PLAC1: variants seen among roughly 807,000 people sequenced by gnomAD.
The protein encoded by PLAC1 is placenta associated 1, also known as placenta-specific protein 1.
For synonymous variants in PLAC1, 68 were observed against 62.1 expected, an observed-to-expected ratio of 1.09 and a Z score of -0.44; for missense variants, 136 against 163.2, an observed-to-expected ratio of 0.83 and a Z score of 0.91.
intron 2 of PLAC1, among the ~76,000 whole-genome samples, chrX:134,569,086 A>T (rs2077891793): frequency 9.0e-6 from 1 of 111,300 alleles, no homozygotes. Flanking sequence ...TTTTGTTCAA[A>T]CCCCAAAATT....
chrX:134,740,318 CA>C (rs77285641), intron 1 of PLAC1, among the ~76,000 whole-genome samples: 109 of 50,769 alleles, frequency 2.1e-3, no homozygotes, highest in South Asian at 6.9e-3. Flanking sequence ...ATTCCGTCTC[CA>C]AAAAAAAAAA....
chrX:134,597,065 G>C (rs2078065438), intron 2 of PLAC1, among the ~76,000 whole-genome samples: 1 of 111,157 alleles, frequency 9.0e-6, no homozygotes, highest in Non-Finnish European at 1.9e-5. Context: ...AAAATTTTCA[G>C]CCATTATTCC....
chrX:134,763,205 A>G (rs763404658), intron 1 of PLAC1, among the ~76,000 whole-genome samples: 1 of 111,258 alleles, frequency 9.0e-6, no homozygotes, highest in East Asian at 2.8e-4. Context: ...GGATGCTTAC[A>G]GGGAAGATTC....
At chrX:134,687,573 C>A (rs2078521464) in intron 2 of PLAC1, among the ~76,000 whole-genome samples, 2 of 107,271 alleles carry the variant, frequency 1.9e-5, no homozygotes, top group Admixed American at 2.0e-4. Flanking sequence ...CTTCACTGCT[C>A]AAAAAAATGA....
intron 2 of PLAC1, among the ~76,000 whole-genome samples, chrX:134,725,833 C>A (rs1208257175): frequency 9.0e-6 from 1 of 111,585 alleles, no homozygotes; most frequent in East Asian, 2.8e-4. Context: ...CCTATCTCTA[C>A]TAAAAATACA....
intron 2 of PLAC1, among the ~76,000 whole-genome samples, chrX:134,708,066 A>C (rs892286702): frequency 1.8e-5 from 2 of 112,210 alleles, no homozygotes; most frequent in African/African-American, 6.5e-5. Context: ...GAAAACAGAG[A>C]AATAAAAAAC....
intron 2 of PLAC1, among the ~76,000 whole-genome samples, chrX:134,573,373 CAGAGTCCCTTCTCATTTTAAA>C (rs2077919645): frequency 1.8e-5 from 2 of 111,673 alleles, no homozygotes; most frequent in South Asian, 7.6e-4. Flanking sequence ...CACAAAGCCC[CAGAGTCCCTTCTCATTTTAAA>C]AGACAAGGTA....
intron 2 of PLAC1, among the ~76,000 whole-genome samples, chrX:134,728,368 C>A (rs975157205): frequency 8.9e-6 from 1 of 111,840 alleles, no homozygotes; most frequent in Non-Finnish European, 1.9e-5. Context: ...AAGCCAAAGG[C>A]AAAGAGAATC....
Position 134,735,642 on chromosome X carries a change from G to A in PLAC1, n.90-2123C>T, listed in dbSNP as rs747546531. The stretch of plus-strand genomic sequence containing the variant: ...GGCTAGCAGGGAAGAGAGAGAGAAA[G>A]CAAGAAAGAGAGAGGAAGAGAGAGA... On this transcript the variant is annotated intron_variant and non_coding_transcript_variant, in intron 1 of 2. Transcript: ENST00000466797. Among the ~76,000 whole-genome samples the A allele has an allele frequency of 8.3e-5, 9 of 108,604 alleles. No homozygotes were observed. The East Asian group carries it at 2.6e-3, about 31-fold the overall frequency. The allele number at this position is 108,604 out of a possible 115,157, so 94.3% of individuals were successfully genotyped here.
At chrX:134,574,848 G>A (rs1003857062) in intron 2 of PLAC1, among the ~76,000 whole-genome samples, 3 of 111,400 alleles carry the variant, frequency 2.7e-5, no homozygotes, top group African/African-American at 9.8e-5. Context: ...GGGGTGCCTC[G>A]AAGGGGCTTG....
At chrX:134,617,725 C>G (rs2078191386) in intron 1 of PLAC1, among the ~76,000 whole-genome samples, 1 of 112,028 alleles carries the variant, frequency 8.9e-6, no homozygotes, top group Non-Finnish European at 1.9e-5. Context: ...TCATGGAATT[C>G]TTGCCACACC....
chrX:134,617,634 T>G (rs1443446410), intron 1 of PLAC1, among the ~76,000 whole-genome samples: 2 of 111,949 alleles, frequency 1.8e-5, no homozygotes, highest in Non-Finnish European at 3.8e-5. Flanking sequence ...TCACATTGAC[T>G]GATGTGTGTA....
chrX:134,578,260 A>C (rs1467161638), intron 2 of PLAC1, among the ~76,000 whole-genome samples: 1 of 108,866 alleles, frequency 9.2e-6, no homozygotes, highest in East Asian at 2.9e-4. Flanking sequence ...AAAAATACAA[A>C]AAATTAGCCA....
At chrX:134,587,701 C>A (rs1235946513) in intron 2 of PLAC1, among the ~76,000 whole-genome samples, 3 of 111,860 alleles carry the variant, frequency 2.7e-5, no homozygotes, top group African/African-American at 9.7e-5. Context: ...AGGTACATCA[C>A]AGAAAATGGT....
At chrX:134,629,632 G>A (rs767106616) in intron 1 of PLAC1, among the ~76,000 whole-genome samples, 1 of 111,704 alleles carries the variant, frequency 9.0e-6, no homozygotes, top group East Asian at 2.8e-4. Context: ...GCAGAACTTG[G>A]GTCAAGCCCT....
At position 134,567,089 on chromosome X, in the gene PLAC1, T is replaced by C. The variant is rs180732870; in HGVS notation, c.-58-349A>G. Among the ~76,000 whole-genome samples the C allele has an allele frequency of 2.7e-4, 30 of 112,248 alleles. 1 individual carries two copies. Among genetic ancestry groups the C allele is most frequent in the Admixed American group, 2.4e-3 (26 of 10,619 alleles). ...AAACGTTGAATAAAGAGATAGGAGA[T>C]AGAGTTTAATTCAAGATGGCAATAC... is the stretch of plus-strand genomic sequence containing the variant. On this transcript the variant is annotated intron_variant, in intron 2 of 2. Transcript: ENST00000359237.
At chrX:134,675,584 G>A (rs1425275610) in intron 2 of PLAC1, among the ~76,000 whole-genome samples, 2 of 110,323 alleles carry the variant, frequency 1.8e-5, no homozygotes, top group Non-Finnish European at 3.8e-5. Context: ...AGAATCGCTT[G>A]AATCCAGGAG....
upstream of PLAC1, among the ~76,000 whole-genome samples, chrX:134,663,470 G>A (rs1228996699): frequency 1.8e-5 from 2 of 112,999 alleles, no homozygotes; most frequent in Non-Finnish European, 3.7e-5. Context: ...GTGCACGTGT[G>A]CACACGTGCA....
At position 134,695,238 on chromosome X, in the gene PLAC1, G is replaced by T. The variant is rs1458836616; in HGVS notation, n.174+38197C>A. ...AAATTTGGTGATTTAATAGAGGCCA[G>T]GTCAATCATTTTTTCTTTTACATCT... is the stretch of plus-strand genomic sequence containing the variant. On this transcript the variant is annotated intron_variant and non_coding_transcript_variant, in intron 2 of 2. Coordinates refer to the PLAC1 transcript ENST00000466797. Among the ~76,000 whole-genome samples the T allele has an allele frequency of 8.9e-5, 10 of 112,188 alleles. No individual in the cohort carries two copies. In the Admixed American group the frequency reaches 9.4e-4, roughly 11 times the overall value.
Sources: allele counts gnomAD v4.1 joint callset (sites outside exome capture counted in the v4.1 genomes callset), GRCh38; gene constraint gnomAD v4.1.1; transcripts MANE v1.5; gene names NCBI Gene and HGNC (gene_info 2026-07-23, HGNC 2026-07-21).